HPGDS: variants seen among roughly 807,000 people sequenced by gnomAD.
HPGDS encodes GST class-sigma.
In HPGDS, 26 loss-of-function variants were observed where a neutral mutation model predicts 23.1. The ratio of observed to expected loss-of-function variants is 1.13; its 90% CI spans 0.83 to 1.56. The LOEUF (loss-of-function observed/expected upper bound fraction) is 1.56. Among genes scored for constraint, HPGDS ranks in the 40% most tolerant of loss-of-function variants. The pLI is 0.00. For missense variants in HPGDS, 268 were observed against 236.4 expected (o/e 1.13, Z -0.88); for synonymous variants, 95 against 77.9 (o/e 1.22, Z -1.16).
At chr4:94,320,148 A>G (rs1329318185) in intron 2 of HPGDS, among the ~76,000 whole-genome samples, 1 of 152,066 alleles carries the variant, frequency 6.6e-6, no homozygotes, top group African/African-American at 2.4e-5. Flanking sequence ...CATTTTCTTA[A>G]TCCTGTCTAA....
intron 4 of HPGDS, among the ~76,000 whole-genome samples, chr4:94,305,509 A>G (rs1468701773): frequency 1.3e-5 from 2 of 152,134 alleles, no homozygotes; most frequent in Non-Finnish European, 2.9e-5. Flanking sequence ...AGTAGATAGT[A>G]TGTGCTTAAA....
Position 94,299,377 on chromosome 4 carries a change from C to A in HPGDS, c.*103G>T, listed in dbSNP as rs570234914. ...GGCTAAAGTGAAAATCTTAGTGGAG[C>A]TGGGGAGGGAGCATGTGGATTATCT... is the stretch of plus-strand genomic sequence containing the variant. On this transcript the variant is annotated 3_prime_UTR_variant, in exon 6 of 6. Transcript: ENST00000295256. 2.0e-4 allele frequency: 189 copies of A among 930,802 alleles called. No homozygotes were observed. The South Asian group carries it at 2.8e-3, about 14-fold the overall frequency. The allele number at this position is 930,802 out of a possible 1,614,324, so 57.7% of individuals were successfully genotyped here.
At chr4:94,308,135 A>G (rs1375014669) in intron 4 of HPGDS, among the ~76,000 whole-genome samples, 3 of 152,144 alleles carry the variant, frequency 2.0e-5, no homozygotes, top group African/African-American at 7.2e-5. Context: ...TACACCTTAT[A>G]CACATAGCCA....
At chr4:94,299,786 T>C in intron 5 of HPGDS, 142 bp from the exon 6 acceptor site, 2 of 752,070 alleles carry the variant, frequency 2.7e-6, no homozygotes, top group African/African-American at 1.8e-5. Context: ...ATGATAGAAG[T>C]TCAGAAAATT....
At chr4:94,301,275 A>G (rs1756035519) in intron 5 of HPGDS, among the ~76,000 whole-genome samples, 1 of 152,182 alleles carries the variant, frequency 6.6e-6, no homozygotes, top group South Asian at 2.1e-4. Flanking sequence ...ACTTGTAATC[A>G]GGTTTAGATT....
chr4:94,331,911 C>A (rs1713171981), intron 2 of HPGDS, among the ~76,000 whole-genome samples: 1 of 152,106 alleles, frequency 6.6e-6, no homozygotes, highest in Non-Finnish European at 1.5e-5. Context: ...ACCTTCAAGC[C>A]AAAAAGCCTG....
chr4:94,329,740 A>G (rs148829764), intron 2 of HPGDS, among the ~76,000 whole-genome samples: 2 of 152,346 alleles, frequency 1.3e-5, no homozygotes, highest in East Asian at 3.9e-4. Flanking sequence ...ACTGCCCACA[A>G]CTGGAACACT....
intron 3 of HPGDS, among the ~76,000 whole-genome samples, chr4:94,308,981 A>G (rs3103152): frequency 1.4e-5 from 2 of 142,132 alleles, no homozygotes; most frequent in African/African-American, 2.6e-5. Flanking sequence ...TATATATCCC[A>G]CTAGATATGC....
At chr4:94,325,406 G>A (rs1347902306) in intron 2 of HPGDS, among the ~76,000 whole-genome samples, 2 of 152,318 alleles carry the variant, frequency 1.3e-5, no homozygotes, top group African/African-American at 4.8e-5. Context: ...TACAGAGGCA[G>A]GTAGGCCTTC....
chr4:94,328,627 CAA>C (rs1174567577), intron 2 of HPGDS, among the ~76,000 whole-genome samples: 4 of 152,164 alleles, frequency 2.6e-5, no homozygotes, highest in Admixed American at 2.6e-4. Flanking sequence ...TATTTTAAAA[CAA>C]ATTATAATGC....
At chr4:94,336,136 G>A (rs1376613598) in intron 1 of HPGDS, among the ~76,000 whole-genome samples, 1 of 151,628 alleles carries the variant, frequency 6.6e-6, no homozygotes, top group Non-Finnish European at 1.5e-5. Flanking sequence ...AACCCCAGAG[G>A]TGGAGGTTGC....
intron 4 of HPGDS, among the ~76,000 whole-genome samples, chr4:94,302,952 T>A (rs1254889972): frequency 6.6e-6 from 1 of 152,168 alleles, no homozygotes; most frequent in Non-Finnish European, 1.5e-5. Flanking sequence ...ACTCAAGGCC[T>A]CTTTCTTGAT....
At chr4:94,331,929 C>T (rs1486295351) in intron 2 of HPGDS, among the ~76,000 whole-genome samples, 3 of 152,150 alleles carry the variant, frequency 2.0e-5, no homozygotes, top group African/African-American at 7.2e-5. Context: ...CTGAAACCTG[C>T]GGCCCAACAT....
chr4:94,327,423 A>G (rs1756653947), intron 2 of HPGDS, among the ~76,000 whole-genome samples: 1 of 152,116 alleles, frequency 6.6e-6, no homozygotes, highest in Non-Finnish European at 1.5e-5. Flanking sequence ...AGACCCCTGG[A>G]TAATGTGCTT....
chr4:94,324,216 G>T (rs904757883), intron 2 of HPGDS, among the ~76,000 whole-genome samples: 3 of 152,178 alleles, frequency 2.0e-5, no homozygotes, highest in East Asian at 1.9e-4. Context: ...TTCAACCTTG[G>T]TGAATCTGAC....
chr4:94,334,174 A>G (rs1288139524), intron 2 of HPGDS: 2 of 183,022 alleles, frequency 1.1e-5, no homozygotes, highest in Non-Finnish European at 2.2e-5. Context: ...TGGAAAAATT[A>G]CCTAAACTCT....
At position 94,317,889 on chromosome 4, in the gene HPGDS, A is replaced by G. The variant is rs768002438; in HGVS notation, c.210T>C (p.Tyr70=). 1.9e-6 allele frequency: 3 copies of G among 1,608,520 alleles called. No homozygotes were observed. Among genetic ancestry groups the G allele is most frequent in the Non-Finnish European group, 2.6e-6 (3 of 1,176,018 alleles). Residue 70 remains tyrosine, a synonymous_variant, in exon 3 of 6, where the codon TAT becomes TAC. Coordinates refer to ENST00000295256, the MANE Select transcript of HPGDS (RefSeq NM_014485.3). ...TLHQSLAIAR[Y]LTKNTDLAGN... is the part of the protein sequence containing the mutation. ...ACATGTTACCTGTGTTTTTGGTCAA[A>G]TATCTTGCTATTGCTAGGCTCTGGT...
At chr4:94,331,753 G>C (rs2126045072) in intron 2 of HPGDS, among the ~76,000 whole-genome samples, 1 of 152,262 alleles carries the variant, frequency 6.6e-6, no homozygotes, top group East Asian at 1.9e-4. Flanking sequence ...TGTCCCAGAA[G>C]CCTCTGGTCT....
intron 2 of HPGDS, among the ~76,000 whole-genome samples, chr4:94,324,590 C>A (rs1756591194): frequency 1.3e-5 from 2 of 152,126 alleles, no homozygotes; most frequent in Non-Finnish European, 2.9e-5. Context: ...TGTTCTCATC[C>A]CATGGTTTTC....
Sources: gnomAD v4.1 joint callset for allele counts (sites outside exome capture counted in the v4.1 genomes callset) on GRCh38, gnomAD v4.1.1 for gene constraint, MANE v1.5 for transcripts, NCBI Gene and HGNC (gene_info 2026-07-23, HGNC 2026-07-21) for gene names.